GPR55: variants seen among roughly 807,000 people sequenced by gnomAD.
GPR55 encodes the protein G protein-coupled receptor 55, also known as G-protein coupled receptor 55.
GPR55 carries 6 observed loss-of-function variants against 7.9 expected under a neutral mutation model. The ratio of observed to expected loss-of-function variants is 0.76; its 90% CI spans 0.41 to 1.49. GPR55 has a LOEUF of 1.49. Ranked by LOEUF, GPR55 falls within the 40% of genes most tolerant of loss-of-function variation. The probability of loss-of-function intolerance (pLI) is 0.01; values close to 1 mark genes in which losing one functional copy is unlikely to be tolerated. For synonymous variants in GPR55, 183 were observed against 166.8 expected (o/e 1.10, Z -0.75); for missense variants, 376 against 406.0 (o/e 0.93, Z 0.63).
upstream of GPR55, chr2:230,961,084 T>C (rs544642640): frequency 6.6e-6 from 1 of 152,312 alleles, no homozygotes; most frequent in African/African-American, 2.4e-5. Context: ...TTAAGTGTTC[T>C]CATCAAAGGA....
intron 1 of GPR55, among the ~76,000 whole-genome samples, chr2:230,942,713 G>A (rs1318497242): frequency 2.0e-5 from 3 of 152,152 alleles, no homozygotes; most frequent in Admixed American, 2.0e-4. Flanking sequence ...GGGGCAGCCA[G>A]TGGGAGATGG....
intron 1 of GPR55, among the ~76,000 whole-genome samples, chr2:230,922,956 T>C (rs1690873423): frequency 2.0e-5 from 3 of 152,208 alleles, no homozygotes; most frequent in Admixed American, 2.0e-4. Context: ...CTCTTGCCTC[T>C]GCCTCCCAAA....
intron 1 of GPR55, among the ~76,000 whole-genome samples, chr2:230,938,401 A>G (rs1411744393): frequency 6.6e-6 from 1 of 151,138 alleles, no homozygotes; most frequent in Non-Finnish European, 1.5e-5. Flanking sequence ...GATGACCAAA[A>G]AAAAAAAAAA....
intron 1 of GPR55, among the ~76,000 whole-genome samples, chr2:230,940,197 G>A (rs745796775): frequency 1.9e-4 from 29 of 152,254 alleles, no homozygotes; most frequent in Admixed American, 3.3e-4. Context: ...CAGCCAGATG[G>A]AGAAAGCGAG....
intron 1 of GPR55, among the ~76,000 whole-genome samples, chr2:230,947,849 G>GC (rs995866018): frequency 5.3e-5 from 8 of 150,906 alleles, no homozygotes; most frequent in East Asian, 1.9e-4. Context: ...TTCAGCTGGT[G>GC]CCCCCCCTCC....
chr2:230,945,639 C>T (rs1218339406), intron 1 of GPR55, among the ~76,000 whole-genome samples: 1 of 152,234 alleles, frequency 6.6e-6, no homozygotes, highest in African/African-American at 2.4e-5. Context: ...GTGGCACTAT[C>T]TCGGCTCACT....
intron 1 of GPR55, among the ~76,000 whole-genome samples, chr2:230,916,214 A>T (rs1402150362): frequency 6.6e-6 from 1 of 152,082 alleles, no homozygotes; most frequent in Non-Finnish European, 1.5e-5. Context: ...TCTCTCCAAA[A>T]AAGAAAAAAA....
chr2:230,922,844 C>T lies in GPR55; in HGVS notation c.-135+2324G>A, dbSNP rs957545869. 5.3e-5 allele frequency among the ~76,000 whole-genome samples: 8 copies of T among 152,150 alleles called. No individual in the cohort carries two copies. The South Asian group carries it at 6.2e-4, about 12-fold the overall frequency. ...CCTGCCTCCCAAAGTGCTGGGATTA[C>T]GGGTGTGAGCCATCGCTCCTGGCCT... On this transcript the variant is annotated intron_variant, in intron 1 of 1. Transcript: ENST00000650999.
Position 230,910,805 on chromosome 2 carries a change from C to A in GPR55, c.158G>T (p.Trp53Leu). The A allele has an allele frequency of 6.2e-7, 1 of 1,612,954 alleles. No individual in the cohort carries two copies. The highest frequency in any genetic ancestry group is 8.5e-7 in the Non-Finnish European group (1 of 1,179,554). ...GATGGAGGTGGCAGCATAATCGGGC[C>A]ACCTGTTCTTAAGGAAGGTGCTGAA... The part of the protein sequence containing the change: ...HGFSTFLKNR[W>L]PDYAATSIYM... The change falls in exon 2 of 2, where the codon TGG (tryptophan) becomes TTG (leucine). Residue 53 changes from tryptophan (W) to leucine (L), a missense_variant. By Grantham distance (61) the Trp-to-Leu change is moderately conservative. Coordinates refer to ENST00000650999, the MANE Select transcript of GPR55 (RefSeq NM_005683.4). This position sits in a 1 kb window ranked among gnomAD's most constrained non-coding sequence, Gnocchi z 5.4.
intron 1 of GPR55, chr2:230,957,902 G>A (rs1691517215): frequency 5.8e-6 from 3 of 519,230 alleles, no homozygotes; most frequent in South Asian, 1.5e-5. Flanking sequence ...TTATGTGAAA[G>A]TACCCATCTT....
At chr2:230,959,208 G>A (rs1249286152) in intron 1 of GPR55, among the ~76,000 whole-genome samples, 6 of 152,236 alleles carry the variant, frequency 3.9e-5, no homozygotes, top group Admixed American at 3.9e-4. Flanking sequence ...CACTTTGGGA[G>A]GCCAAGGTGG....
intron 1 of GPR55, among the ~76,000 whole-genome samples, chr2:230,939,087 T>A (rs59335561): frequency 0.088 from 13,321 of 152,150 alleles, 1,512 homozygotes; most frequent in African/African-American, 0.26. Context: ...CAATGAGCAC[T>A]CGCCGCAACC....
chr2:230,949,319 A>T (rs61631398), intron 1 of GPR55, among the ~76,000 whole-genome samples: 37,015 of 152,046 alleles, frequency 0.24, 4,853 homozygotes, highest in Non-Finnish European at 0.28. Context: ...ACCTGCCACC[A>T]CACCCAGATA....
intron 1 of GPR55, among the ~76,000 whole-genome samples, chr2:230,954,042 C>T (rs1691442824): frequency 6.6e-6 from 1 of 152,240 alleles, no homozygotes. Flanking sequence ...ACCACAGCTT[C>T]CCACTGGCTT....
At chr2:230,956,550 T>C (rs538410996) in intron 1 of GPR55, among the ~76,000 whole-genome samples, 1 of 152,302 alleles carries the variant, frequency 6.6e-6, no homozygotes, top group South Asian at 2.1e-4. Flanking sequence ...TCACTAAATA[T>C]ATATACATTT....
chr2:230,922,326 T>C (rs1485834858), intron 1 of GPR55, among the ~76,000 whole-genome samples: 1 of 152,046 alleles, frequency 6.6e-6, no homozygotes, highest in East Asian at 1.9e-4. Flanking sequence ...ATTTCTTCCA[T>C]CCTCAAGGCC....
At position 230,924,815 on chromosome 2, in the gene GPR55, G is replaced by A. The variant is rs568530024; in HGVS notation, c.-135+353C>T. On this transcript the variant is annotated intron_variant, in intron 1 of 1. Coordinates refer to ENST00000650999, the MANE Select transcript of GPR55 (RefSeq NM_005683.4). The surrounding 1 kb of genome is among the most constrained non-coding windows in gnomAD (Gnocchi z 4.5). ...CGGGCTTGGTGGAGGGCGGTGGCAC[G>A]TGAGCTACATGCCCCGGGAAGGCTC... Among the ~76,000 whole-genome samples the A allele has an allele frequency of 5.1e-4, 77 of 152,274 alleles. 1 individual carries two copies. The highest frequency in any genetic ancestry group is 1.8e-3 in the African/African-American group (74 of 41,558).
In GPR55 at chr2:230,924,320, G is replaced by A. The variant is rs904953348; in HGVS notation, c.-135+848C>T. On this transcript the variant is annotated intron_variant, in intron 1 of 1. Coordinates refer to ENST00000650999, the MANE Select transcript of GPR55 (RefSeq NM_005683.4). This position sits in a 1 kb window ranked among gnomAD's most constrained non-coding sequence, Gnocchi z 4.5. ...CCTTGCCTTCCACAGAGCTGTGGGCGGCACTTTGCCCTGCCCTGTCCTCTC... is the reference window on the plus strand; with the variant it reads ...CCTTGCCTTCCACAGAGCTGTGGGCAGCACTTTGCCCTGCCCTGTCCTCTC... Among the ~76,000 whole-genome samples the A allele has an allele frequency of 1.4e-4, 22 of 152,134 alleles. No homozygotes were observed. Among genetic ancestry groups the A allele is most frequent in the African/African-American group, 4.1e-4 (17 of 41,440 alleles).
At chr2:230,960,174 A>C (rs1234063637) in intron 1 of GPR55, among the ~76,000 whole-genome samples, 4 of 152,210 alleles carry the variant, frequency 2.6e-5, no homozygotes, top group African/African-American at 9.6e-5. Context: ...TTTGCACAAG[A>C]CTCCAGGAAG....
Sources: allele counts gnomAD v4.1 joint callset (sites outside exome capture counted in the v4.1 genomes callset), GRCh38; gene constraint gnomAD v4.1.1; non-coding constraint Gnocchi (gnomAD v3.1); transcripts MANE v1.5; gene names NCBI Gene and HGNC (gene_info 2026-07-23, HGNC 2026-07-21).